Variants in PRICKLE1 observed in about 807,000 individuals in gnomAD.
PRICKLE1 encodes the protein prickle-like protein 1.
In PRICKLE1, 14 loss-of-function variants were observed where a neutral mutation model predicts 70.2. That is an observed-to-expected ratio of 0.20 (90% CI 0.13 to 0.31). The LOEUF (loss-of-function observed/expected upper bound fraction) is 0.31. Among genes scored for constraint, PRICKLE1 ranks in the 10% least tolerant of loss-of-function variants. The probability of loss-of-function intolerance (pLI) is 1.00; values close to 1 mark genes in which losing one functional copy is unlikely to be tolerated. For synonymous variants in PRICKLE1, 357 were observed against 379.9 expected (o/e 0.94, Z 0.70); for missense variants, 821 against 1,026.2 (o/e 0.80, Z 2.73).
At position 42,588,067 on chromosome 12, in the gene PRICKLE1, C is replaced by T. The variant is rs374680214; in HGVS notation, c.-49+1398G>A. Among the ~76,000 whole-genome samples the T allele has an allele frequency of 2.6e-5, 4 of 152,060 alleles. No homozygotes were observed. In the East Asian group the frequency reaches 7.7e-4, roughly 29 times the overall value. On this transcript the variant is annotated intron_variant, in intron 1 of 7. Transcript: ENST00000345127. ...ATAATAGAAGGCGGCTGAACACTGACACTTCACTGAGGATAATGGAGACAG... is the reference window on the plus strand; with the variant it reads ...ATAATAGAAGGCGGCTGAACACTGATACTTCACTGAGGATAATGGAGACAG...
At chr12:42,555,943 C>T (rs1367651589) in intron 1 of PRICKLE1, among the ~76,000 whole-genome samples, 1 of 152,108 alleles carries the variant, frequency 6.6e-6, no homozygotes, top group Non-Finnish European at 1.5e-5. Flanking sequence ...ATTTAATCAC[C>T]AAATTTGATT....
intron 1 of PRICKLE1, among the ~76,000 whole-genome samples, chr12:42,584,125 G>A (rs1013721923): frequency 7.9e-5 from 12 of 152,216 alleles, no homozygotes; most frequent in East Asian, 1.9e-4. Flanking sequence ...CAATAAAATC[G>A]TGAAATTATG....
chr12:42,523,105 G>A (rs915087764), intron 1 of PRICKLE1, among the ~76,000 whole-genome samples: 3 of 152,078 alleles, frequency 2.0e-5, no homozygotes. Flanking sequence ...GGGATTACAG[G>A]CACCTGCCAC....
intron 1 of PRICKLE1, among the ~76,000 whole-genome samples, chr12:42,477,474 G>A (rs61924378): frequency 1.0e-4 from 2 of 19,440 alleles, no homozygotes; most frequent in African/African-American, 2.0e-4. Context: ...ATGTGTGTGT[G>A]TGTGTGTGTA....
At chr12:42,479,832 G>A (rs142223278) in intron 1 of PRICKLE1, among the ~76,000 whole-genome samples, 60 of 152,160 alleles carry the variant, frequency 3.9e-4, no homozygotes, top group African/African-American at 1.4e-3. Flanking sequence ...GCGCATGTCT[G>A]TAATCCCAGT....
At position 42,470,239 on chromosome 12, in the gene PRICKLE1, A is replaced by G. The variant is rs1370173390; in HGVS notation, c.246+7T>C. ...TTTTCTAATTAGCCTTCTTCCTGCTATTTTACCTCATTATCATGTGGTGGT... is the reference window on the plus strand; with the variant it reads ...TTTTCTAATTAGCCTTCTTCCTGCTGTTTTACCTCATTATCATGTGGTGGT... On this transcript the variant is annotated splice_region_variant and intron_variant, in intron 3 of 7. Coordinates refer to ENST00000345127, the MANE Select transcript of PRICKLE1 (RefSeq NM_153026.3). 18 of 1,573,062 alleles carry G rather than the reference A, an allele frequency of 1.1e-5. No homozygotes were observed. Among genetic ancestry groups the G allele is most frequent in the Middle Eastern group, 1.7e-4 (1 of 5,984 alleles).
rs73126453 is a variant in PRICKLE1 at position 42,457,516 on chromosome 12, T to C, written c.*2293A>G. ...AACACTCTCATTTACATTACATTAA[T>C]GTAAATCAGGAGAATTTCTTTTGGA... On this transcript the variant is annotated 3_prime_UTR_variant, in exon 8 of 8. Coordinates refer to ENST00000345127, the MANE Select transcript of PRICKLE1 (RefSeq NM_153026.3). 0.069 allele frequency: 10,464 copies of C among 152,330 alleles called. 394 individuals carry two copies. Among genetic ancestry groups the C allele is most frequent in the East Asian group, 0.12 (629 of 5,184 alleles). 9.4% of individuals were successfully genotyped at this position (152,330 alleles called of 1,614,324 possible). A position where few individuals can be genotyped will look rare whatever the true frequency, so the allele number is the denominator to read the frequency against.
intron 1 of PRICKLE1, among the ~76,000 whole-genome samples, chr12:42,536,748 C>T (rs1177741498): frequency 3.3e-5 from 5 of 152,106 alleles, no homozygotes; most frequent in Non-Finnish European, 7.4e-5. Flanking sequence ...CCTGAATAGC[C>T]CCTGAGCCCA....
chr12:42,498,847 T>A (rs1593139992), intron 1 of PRICKLE1, among the ~76,000 whole-genome samples: 1 of 152,162 alleles, frequency 6.6e-6, no homozygotes, highest in Admixed American at 6.5e-5. Context: ...TTGCTTTTGT[T>A]AACCTAACTC....
At chr12:42,466,904 G>T (rs1938115436) in intron 5 of PRICKLE1, among the ~76,000 whole-genome samples, 1 of 152,080 alleles carries the variant, frequency 6.6e-6, no homozygotes. Context: ...TTGAGACAGG[G>T]TCTCACTTGT....
At chr12:42,566,495 T>C (rs573508147) in intron 1 of PRICKLE1, among the ~76,000 whole-genome samples, 26 of 152,244 alleles carry the variant, frequency 1.7e-4, no homozygotes, top group Non-Finnish European at 1.5e-5. Context: ...GGACCAGACC[T>C]GCGTAAGAAC....
chr12:42,472,376 A>T lies in PRICKLE1; in HGVS notation c.132+9T>A. ...ACAAAGAGTAAATATAGGATGATGA[A>T]GTTCCTACCTGCTCTGGTCTCAGGC... On this transcript the variant is annotated intron_variant, in intron 2 of 7. Coordinates refer to ENST00000345127, the MANE Select transcript of PRICKLE1 (RefSeq NM_153026.3). The T allele has an allele frequency of 6.2e-7, 1 of 1,614,082 alleles. No homozygotes were observed. Among genetic ancestry groups the T allele is most frequent in the East Asian group, 2.2e-5 (1 of 44,888 alleles).
intron 1 of PRICKLE1, among the ~76,000 whole-genome samples, chr12:42,528,755 C>A (rs766178357): frequency 4.6e-5 from 7 of 152,060 alleles, no homozygotes; most frequent in Non-Finnish European, 8.8e-5. Context: ...AGTCAATGCT[C>A]AAAAAATATC....
intron 1 of PRICKLE1, among the ~76,000 whole-genome samples, chr12:42,486,116 A>G (rs1938986330): frequency 6.6e-6 from 1 of 152,224 alleles, no homozygotes; most frequent in African/African-American, 2.4e-5. Context: ...AAGCCCAAAA[A>G]TTCACAGGGC....
At chr12:42,513,866 G>A (rs563087323) in intron 1 of PRICKLE1, among the ~76,000 whole-genome samples, 4 of 152,168 alleles carry the variant, frequency 2.6e-5, no homozygotes, top group South Asian at 2.1e-4. Flanking sequence ...GCGTGGTGGT[G>A]CATGCTTGTA....
intron 1 of PRICKLE1, among the ~76,000 whole-genome samples, chr12:42,541,457 C>T (rs1940113986): frequency 6.6e-6 from 1 of 152,008 alleles, no homozygotes; most frequent in African/African-American, 2.4e-5. Context: ...CCTCCCACTT[C>T]AGCCTCCCAA....
In PRICKLE1 at chr12:42,496,709, A is replaced by G. The variant is rs191963622; in HGVS notation, c.-48-24145T>C. Among the ~76,000 whole-genome samples, 6 of 152,296 alleles carry G rather than the reference A, an allele frequency of 3.9e-5. 1 individual carries two copies. Among genetic ancestry groups the G allele is most frequent in the Admixed American group, 2.6e-4 (4 of 15,296 alleles). ...CACCTTGCACTTTCATGTTAGAGAGATGGCTTCTTTCCTGAAACCTCATGA... is the reference window on the plus strand; with the variant it reads ...CACCTTGCACTTTCATGTTAGAGAGGTGGCTTCTTTCCTGAAACCTCATGA... On this transcript the variant is annotated intron_variant, in intron 1 of 7. Coordinates refer to ENST00000345127, the MANE Select transcript of PRICKLE1 (RefSeq NM_153026.3).
At chr12:42,488,830 T>C (rs1405106254) in intron 1 of PRICKLE1, among the ~76,000 whole-genome samples, 1 of 152,160 alleles carries the variant, frequency 6.6e-6, no homozygotes, top group East Asian at 1.9e-4. Flanking sequence ...GAGGGCAGAT[T>C]ATAGGAAATT....
chr12:42,582,783 T>C (rs1016974547), intron 1 of PRICKLE1, among the ~76,000 whole-genome samples: 2 of 152,228 alleles, frequency 1.3e-5, no homozygotes, highest in African/African-American at 4.8e-5. Context: ...GTAAACTTTC[T>C]TAAAACATTA....
Sources: gnomAD v4.1 joint callset for allele counts (sites outside exome capture counted in the v4.1 genomes callset) on GRCh38, gnomAD v4.1.1 for gene constraint, MANE v1.5 for transcripts, NCBI Gene and HGNC (gene_info 2026-07-23, HGNC 2026-07-21) for gene names.